The following MEGF6 variants were observed in gnomAD, a reference collection of about 807,000 sequenced individuals.
MEGF6 encodes the protein multiple EGF like domains 6.
Under a neutral mutation model 207.1 loss-of-function variants are expected in MEGF6, and 184 were observed. The ratio of observed to expected loss-of-function variants is 0.89; its 90% CI spans 0.79 to 1.00. MEGF6 has a LOEUF of 1.00. Among genes scored for constraint, MEGF6 ranks in the 50% least tolerant of loss-of-function variants. MEGF6 has a pLI of 0.00. For synonymous variants in MEGF6, 1,038 were observed against 910.0 expected (o/e 1.14, Z -2.53); for missense variants, 2,282 against 2,202.9 (o/e 1.04, Z -0.72).
At chr1:3,524,026 T>C (rs1641864831) in intron 5 of MEGF6, 98 bp downstream of exon 5, 15 of 1,405,164 alleles carry the variant, frequency 1.1e-5, no homozygotes, top group African/African-American at 1.4e-5. Flanking sequence ...TGCCTCTCCA[T>C]GTCCACAGCC....
At chr1:3,519,775 T>G (rs1641676736) in intron 5 of MEGF6, among the ~76,000 whole-genome samples, 1 of 152,146 alleles carries the variant, frequency 6.6e-6, no homozygotes. Flanking sequence ...GGGCCTCCCC[T>G]CCAAGAAGGA....
At chr1:3,491,785 G>T (rs1443848679) in intron 35 of MEGF6, among the ~76,000 whole-genome samples, 13 of 150,426 alleles carry the variant, frequency 8.6e-5, no homozygotes, top group African/African-American at 1.5e-4. Flanking sequence ...TGGGGGGGGG[G>T]GTGCGGGCAG....
chr1:3,516,954 C>T (rs986262754), intron 5 of MEGF6, among the ~76,000 whole-genome samples: 3 of 152,200 alleles, frequency 2.0e-5, no homozygotes, highest in Non-Finnish European at 4.4e-5. Flanking sequence ...CTGAGCCCCT[C>T]GCCCCATCCA....
In MEGF6 at chr1:3,504,567, C is replaced by T. The variant is rs79554464; in HGVS notation, c.2188+641G>A. Among the ~76,000 whole-genome samples, 966 of 152,166 alleles carry T rather than the reference C, an allele frequency of 6.3e-3. 44 individuals carry two copies. In the East Asian group the frequency reaches 0.12, roughly 19 times the overall value. ...CCTCTTGGCAAAGCCCCCAGCCCCA[C>T]GCACGCTGGGCTGGAATCGCGTCGG... On this transcript the variant is annotated intron_variant, in intron 17 of 36. Coordinates refer to ENST00000356575, the MANE Select transcript of MEGF6 (RefSeq NM_001409.4).
chr1:3,515,414 T>G lies in MEGF6; in HGVS notation c.718A>C (p.Arg240=). 1.2e-6 allele frequency: 2 copies of G among 1,611,842 alleles called. No individual in the cohort carries two copies. The highest frequency in any genetic ancestry group is 3.3e-4 in the Middle Eastern group (2 of 6,010). The part of the protein sequence containing the change: ...RPGFQLQEDG[R]HCVRRSPCAN... Reference sequence around the variant, plus strand: ...TGGCAGCACTCACGGACACAATGCCTGCCGTCCTCCTGGAGCTGGAACCCG... The same window carrying G: ...TGGCAGCACTCACGGACACAATGCCGGCCGTCCTCCTGGAGCTGGAACCCG... The change falls in exon 6 of 37, where the codon AGG becomes CGG. Residue 240 remains arginine (R), a synonymous_variant. Coordinates refer to ENST00000356575, the MANE Select transcript of MEGF6 (RefSeq NM_001409.4).
intron 4 of MEGF6, among the ~76,000 whole-genome samples, chr1:3,576,379 A>G (rs1643643092): frequency 6.6e-6 from 1 of 152,210 alleles, no homozygotes; most frequent in Admixed American, 6.5e-5. Flanking sequence ...ACTGCCCTCC[A>G]TAGCTGCCCA....
At chr1:3,500,173 G>A (rs564686816) in intron 21 of MEGF6, among the ~76,000 whole-genome samples, 6 of 152,318 alleles carry the variant, frequency 3.9e-5, no homozygotes, top group Non-Finnish European at 4.4e-5. Context: ...TCCGTAGGAC[G>A]CCCAACCCAG....
Position 3,496,728 on chromosome 1 carries a change from G to C in MEGF6, c.3669C>G (p.Asn1223Lys). The C allele has an allele frequency of 6.4e-7, 1 of 1,559,048 alleles. No homozygotes were observed. The highest frequency in any genetic ancestry group is 8.7e-7 in the Non-Finnish European group (1 of 1,152,170). The change falls in exon 29 of 37, where the codon AAC (asparagine) becomes AAG (lysine). Residue 1223 changes from asparagine (N) to lysine (K), a missense_variant. Physicochemically the swap from Asn to Lys is moderately conservative, Grantham distance 94. Coordinates refer to ENST00000356575, the MANE Select transcript of MEGF6 (RefSeq NM_001409.4). ...PGCEQLCGCL[N>K]GGSCDAATGA... is the part of the protein sequence containing the mutation. ...CCGTGGCCGCATCACAGGAGCCCCC[G>C]TTGAGACACCCACACAGCTGTTCAC...
In MEGF6 at chr1:3,565,767, C is replaced by A. The variant is rs189702066; in HGVS notation, c.481+14058G>T. ...GCAGGGGACCCCCAAGTGGAGGTGG[C>A]CACGTCACCAAGAACAGAAGTGCGT... On this transcript the variant is annotated intron_variant, in intron 4 of 36. Coordinates refer to ENST00000356575, the MANE Select transcript of MEGF6 (RefSeq NM_001409.4). The surrounding 1 kb of genome is among the most constrained non-coding windows in gnomAD (Gnocchi z 4.8). Among the ~76,000 whole-genome samples, 2 of 152,286 alleles carry A rather than the reference C, an allele frequency of 1.3e-5. No individual in the cohort carries two copies. The highest frequency in any genetic ancestry group is 3.9e-4 in the East Asian group (2 of 5,178).
chr1:3,488,858 C>G lies in MEGF6; in HGVS notation c.*1670G>C, dbSNP rs1349015278. Among the ~76,000 whole-genome samples the G allele has an allele frequency of 1.3e-5, 2 of 152,184 alleles. No homozygotes were observed. Among genetic ancestry groups the G allele is most frequent in the Non-Finnish European group, 2.9e-5 (2 of 68,040 alleles). ...TTTCCAGGCTGACTGAGATCATTCA[C>G]CTTTAGATCTGAGAACGTCTTGGTC... On this transcript the variant is annotated 3_prime_UTR_variant, in exon 37 of 37. Transcript: ENST00000356575.
At position 3,508,899 on chromosome 1, in the gene MEGF6, G is replaced by A. The variant is rs187487926; in HGVS notation, c.1528+176C>T. ...AGCCCGGTCCCGCCCGGCTCAGCCC[G>A]CACGAGCTGCGCAAACTGAGCCAGT... is the stretch of plus-strand genomic sequence containing the variant. On this transcript the variant is annotated intron_variant, in intron 12 of 36. Transcript: ENST00000356575. Among the ~76,000 whole-genome samples the A allele has an allele frequency of 7.5e-3, 1,141 of 152,308 alleles. 8 individuals carry two copies. Among genetic ancestry groups the A allele is most frequent in the African/African-American group, 0.026 (1,075 of 41,574 alleles).
At chr1:3,562,303 T>C (rs1170793869) in intron 4 of MEGF6, among the ~76,000 whole-genome samples, 3 of 152,244 alleles carry the variant, frequency 2.0e-5, no homozygotes, top group African/African-American at 4.8e-5. Context: ...TCCCTCGCTG[T>C]GTCTCTGTCT....
chr1:3,588,491 AG>A (rs1486382130), intron 3 of MEGF6, among the ~76,000 whole-genome samples: 11 of 65,742 alleles, frequency 1.7e-4, no homozygotes, highest in Admixed American at 6.5e-4. Context: ...AGTGGCCAGG[AG>A]GGGGCAGGAC....
intron 11 of MEGF6, among the ~76,000 whole-genome samples, chr1:3,509,568 C>T (rs376068709): frequency 1.3e-5 from 2 of 152,206 alleles, no homozygotes; most frequent in African/African-American, 4.8e-5. Context: ...ACAACATCAC[C>T]TTAGGTCTTG....
chr1:3,531,080 C>A, intron 4 of MEGF6: 1 of 1,522,374 alleles, frequency 6.6e-7, no homozygotes, highest in East Asian at 2.7e-5. Flanking sequence ...CGGCGCCCAC[C>A]TGGCCTCTGG....
In MEGF6 at chr1:3,496,797, G is replaced by A. The variant is rs1640624312; in HGVS notation, c.3614-14C>T. On this transcript the variant is annotated splice_polypyrimidine_tract_variant and intron_variant, in intron 28 of 36. Coordinates refer to ENST00000356575, the MANE Select transcript of MEGF6 (RefSeq NM_001409.4). ...CGGGCGGACATCCTGCAGGGAGAGG[G>A]GCTAGCTGCAGGGGCTGGGGCTGGA... 1 of 1,551,894 alleles carries A rather than the reference G, an allele frequency of 6.4e-7. No homozygotes were observed. The highest frequency in any genetic ancestry group is 1.2e-5 in the South Asian group (1 of 84,210).
intron 2 of MEGF6, 36 bp downstream of exon 2, chr1:3,602,430 T>C: frequency 6.2e-7 from 1 of 1,612,540 alleles, no homozygotes; most frequent in Non-Finnish European, 8.5e-7. Flanking sequence ...TTTGTGTGAA[T>C]GGAGCCCCTC....
At chr1:3,577,177 G>A (rs936019990) in intron 4 of MEGF6, among the ~76,000 whole-genome samples, 4 of 152,128 alleles carry the variant, frequency 2.6e-5, no homozygotes, top group Non-Finnish European at 2.9e-5. Flanking sequence ...CGAGGAGGCC[G>A]GGCAGCCACC....
At chr1:3,551,851 G>A (rs1461764007) in intron 4 of MEGF6, among the ~76,000 whole-genome samples, 2 of 152,162 alleles carry the variant, frequency 1.3e-5, no homozygotes, top group East Asian at 1.9e-4. Flanking sequence ...GGGAGCCTCC[G>A]GCACTTGTAA....
Sources: allele counts gnomAD v4.1 joint callset (sites outside exome capture counted in the v4.1 genomes callset), GRCh38; gene constraint gnomAD v4.1.1; non-coding constraint Gnocchi (gnomAD v3.1); transcripts MANE v1.5; gene names NCBI Gene and HGNC (gene_info 2026-07-23, HGNC 2026-07-21).